TSC22D1: variants seen among roughly 807,000 people sequenced by gnomAD.
TSC22D1 encodes the protein TSC22 domain family member 1, also known as TSC22 domain family protein 1.
A neutral mutation model predicts 74.2 loss-of-function variants in TSC22D1; 9 were observed. The ratio of observed to expected loss-of-function variants is 0.12; its 90% CI spans 0.07 to 0.21. The LOEUF is 0.21. TSC22D1 is among the 10% of genes least tolerant of loss of function. The pLI is 1.00. For missense variants in TSC22D1, 1,427 were observed against 1,304.7 expected (o/e 1.09, Z -1.44); for synonymous variants, 586 against 492.5 (o/e 1.19, Z -2.51).
rs770794284 is a variant in TSC22D1, at chr13:44,574,650, G to A, written c.1425C>T (p.Ser475=). Residue 475 remains serine (S), a synonymous_variant, in exon 1 of 3, where the codon AGC becomes AGT. Transcript: ENST00000458659. ...CACTCTCTGTATAGTGACTCAGTGT[G>A]CTGACACTACTGCTCACTGAACTCC... ...TSGSSVSSSV[S]TLSHYTESVG... 8 of 1,613,926 alleles carry A rather than the reference G, an allele frequency of 5.0e-6. No individual in the cohort carries two copies. The South Asian group carries it at 5.5e-5, about 11-fold the overall frequency.
intron 1 of TSC22D1, chr13:44,437,261 C>A: frequency 1.0e-6 from 1 of 985,520 alleles, no homozygotes. Context: ...CCCGAACCGT[C>A]TGAGCTACTG....
chr13:44,448,516 T>G (rs576764648), intron 1 of TSC22D1, among the ~76,000 whole-genome samples: 1 of 152,224 alleles, frequency 6.6e-6, no homozygotes, highest in Admixed American at 6.5e-5. Flanking sequence ...GAATGTCTAA[T>G]GTAGTACAGG....
At chr13:44,479,653 G>C (rs1878088789) in intron 1 of TSC22D1, among the ~76,000 whole-genome samples, 1 of 152,186 alleles carries the variant, frequency 6.6e-6, no homozygotes, top group African/African-American at 2.4e-5. Context: ...AGAAGAGATA[G>C]CTTTCAACCT....
At chr13:44,459,585 G>A (rs1811947990) in intron 1 of TSC22D1, among the ~76,000 whole-genome samples, 1 of 152,202 alleles carries the variant, frequency 6.6e-6, no homozygotes, top group South Asian at 2.1e-4. Context: ...AACAGGGCTT[G>A]CCACATTGCA....
In TSC22D1 at chr13:44,486,658, C is replaced by T. The variant is rs563408850; in HGVS notation, c.2913-50563G>A. Among the ~76,000 whole-genome samples, 12 of 152,264 alleles carry T rather than the reference C, an allele frequency of 7.9e-5. No homozygotes were observed. In the East Asian group the frequency reaches 1.7e-3, roughly 22 times the overall value. Reference sequence around the variant, plus strand: ...TCAAAATTAAAGAATTACAGGCATACATGGACAATCTATATAAACTGTTGA... The same window carrying T: ...TCAAAATTAAAGAATTACAGGCATATATGGACAATCTATATAAACTGTTGA... On this transcript the variant is annotated intron_variant, in intron 1 of 2. Transcript: ENST00000458659.
chr13:44,487,440 A>C (rs1878483887), intron 1 of TSC22D1, among the ~76,000 whole-genome samples: 1 of 133,112 alleles, frequency 7.5e-6, no homozygotes, highest in South Asian at 2.7e-4. Flanking sequence ...TGGAGGTTGC[A>C]GTGAGCCGCG....
chr13:44,518,986 T>G (rs1410316528), intron 1 of TSC22D1, among the ~76,000 whole-genome samples: 1 of 152,210 alleles, frequency 6.6e-6, no homozygotes, highest in Non-Finnish European at 1.5e-5. Context: ...AATTTTTCAG[T>G]TTTGAAAGGC....
intron 1 of TSC22D1, among the ~76,000 whole-genome samples, chr13:44,474,774 G>A (rs1348434512): frequency 6.6e-6 from 1 of 152,106 alleles, no homozygotes; most frequent in Non-Finnish European, 1.5e-5. Context: ...AGAGTAAAAG[G>A]AGGGAGGGAG....
chr13:44,562,776 T>A (rs1329939187), intron 1 of TSC22D1, among the ~76,000 whole-genome samples: 1 of 152,232 alleles, frequency 6.6e-6, no homozygotes, highest in African/African-American at 2.4e-5. Flanking sequence ...TTGGGACACA[T>A]CTGCTTTGAA....
At chr13:44,443,023 G>GAA (rs766837610) in intron 1 of TSC22D1, among the ~76,000 whole-genome samples, 21 of 127,026 alleles carry the variant, frequency 1.7e-4, no homozygotes, top group African/African-American at 6.1e-4. Context: ...TGAAGTCCCT[G>GAA]AAAAAAAAAA....
At chr13:44,448,691 C>T (rs1314012815) in intron 1 of TSC22D1, among the ~76,000 whole-genome samples, 1 of 152,002 alleles carries the variant, frequency 6.6e-6, no homozygotes, top group Non-Finnish European at 1.5e-5. Context: ...TTTCTTTAAC[C>T]CTCTGATCTA....
chr13:44,498,970 AT>A (rs1292112297), intron 1 of TSC22D1, among the ~76,000 whole-genome samples: 1 of 152,250 alleles, frequency 6.6e-6, no homozygotes, highest in Non-Finnish European at 1.5e-5. Flanking sequence ...GTAAAAAAAA[AT>A]GCAAAGTTTC....
At chr13:44,465,824 T>C (rs1177714530) in intron 1 of TSC22D1, among the ~76,000 whole-genome samples, 1 of 152,102 alleles carries the variant, frequency 6.6e-6, no homozygotes, top group Non-Finnish European at 1.5e-5. Context: ...AATACAAAAA[T>C]TAGCCAGGTG....
intron 1 of TSC22D1, among the ~76,000 whole-genome samples, chr13:44,480,872 G>C (rs1878143570): frequency 6.6e-6 from 1 of 152,146 alleles, no homozygotes; most frequent in Non-Finnish European, 1.5e-5. Flanking sequence ...ATGTGTAACA[G>C]GTCATAGAGA....
chr13:44,487,520 A>G (rs1215411851), intron 1 of TSC22D1, among the ~76,000 whole-genome samples: 1 of 149,090 alleles, frequency 6.7e-6, no homozygotes, highest in Non-Finnish European at 1.5e-5. Flanking sequence ...AAAAAAAAAA[A>G]AAAAAAAGAA....
rs189072106 is a variant in TSC22D1 at position 44,485,495 on chromosome 13, A to G, written c.2913-49400T>C. 6.6e-5 allele frequency among the ~76,000 whole-genome samples: 10 copies of G among 152,246 alleles called. No homozygotes were observed. The East Asian group carries it at 1.9e-3, about 29-fold the overall frequency. On this transcript the variant is annotated intron_variant, in intron 1 of 2. Transcript: ENST00000458659. ...TACATAACAAATATTAGACCTCTAG[A>G]TTACCTTTCTAATTAGAAAGACATT...
At chr13:44,500,791 C>T (rs1371391690) in intron 1 of TSC22D1, among the ~76,000 whole-genome samples, 1 of 152,154 alleles carries the variant, frequency 6.6e-6, no homozygotes, top group African/African-American at 2.4e-5. Flanking sequence ...TTCAAGCAAT[C>T]CTCCTGCCTC....
intron 1 of TSC22D1, among the ~76,000 whole-genome samples, chr13:44,483,702 C>A (rs1282591811): frequency 2.0e-5 from 3 of 151,142 alleles, no homozygotes; most frequent in African/African-American, 7.3e-5. Flanking sequence ...GAAACAAGAT[C>A]TACAAAAATT....
In TSC22D1 at chr13:44,575,404, T is replaced by C. The variant is rs981557793; in HGVS notation, c.671A>G (p.His224Arg). The stretch of plus-strand genomic sequence containing the variant: ...GAGGTGGTGCCCATGATGAATCTGA[T>C]GGTGGTGATGGAGGTGGTGTGGATG... ...NAHPHHLHHHHQIHHGHHLQH... is the reference protein window; with the variant it reads ...NAHPHHLHHHRQIHHGHHLQH... The change falls in exon 1 of 3, where the codon CAT becomes CGT. Residue 224 changes from histidine to arginine, a missense_variant. Physicochemically the swap from His to Arg is conservative, Grantham distance 29. This residue lies in a region of TSC22D1 where 1,343 missense variants were observed against 1,191.5 expected (regional missense o/e 1.13). Transcript: ENST00000458659. The C allele has an allele frequency of 3.7e-6, 6 of 1,613,732 alleles. No homozygotes were observed. The highest frequency in any genetic ancestry group is 2.7e-5 in the African/African-American group (2 of 74,878).
Sources: allele counts gnomAD v4.1 joint callset (sites outside exome capture counted in the v4.1 genomes callset), GRCh38; gene constraint gnomAD v4.1.1; regional missense constraint gnomAD v4.1.1; transcripts MANE v1.5; gene names NCBI Gene and HGNC (gene_info 2026-07-23, HGNC 2026-07-21).